ILDR2: variants seen among roughly 807,000 people sequenced by gnomAD.
ILDR2 encodes the protein immunoglobulin like domain containing receptor 2, also known as immunoglobulin-like domain-containing receptor 2.
ILDR2 carries 25 observed loss-of-function variants against 66.8 expected under a neutral mutation model. That is an observed-to-expected ratio of 0.37 (90% CI 0.27 to 0.52). The LOEUF is 0.52. Among genes scored for constraint, ILDR2 ranks in the 20% least tolerant of loss-of-function variants. The pLI, the probability that ILDR2 is intolerant of heterozygous loss-of-function variation, is 0.88. For missense variants in ILDR2, 827 were observed against 876.8 expected (o/e 0.94, Z 0.72); for synonymous variants, 367 against 357.2 (o/e 1.03, Z -0.31).
chr1:166,944,442 A>T (rs1661498519), intron 3 of ILDR2, among the ~76,000 whole-genome samples: 1 of 152,180 alleles, frequency 6.6e-6, no homozygotes, highest in Non-Finnish European at 1.5e-5. Context: ...TGCCACAAGA[A>T]CTATTAAATC....
intron 3 of ILDR2, among the ~76,000 whole-genome samples, chr1:166,953,607 A>G (rs373245961): frequency 2.0e-5 from 3 of 152,126 alleles, no homozygotes; most frequent in African/African-American, 7.2e-5. Context: ...GCCCTGACCT[A>G]CTGCAAAAGA....
Position 166,920,914 on chromosome 1 carries a change from G to C in ILDR2, c.1677C>G (p.Gly559=). 6.8e-7 allele frequency: 1 copy of C among 1,473,336 alleles called. No individual in the cohort carries two copies. Among genetic ancestry groups the C allele is most frequent in the Non-Finnish European group, 8.9e-7 (1 of 1,119,004 alleles). 91.3% of individuals were successfully genotyped at this position (1,473,336 alleles called of 1,614,324 possible). ...AAGCGTAGTAGGAGGCGCTGCGCGGGCCGAGCTGCGCGCTCCGCTTGGATG... is the reference window on the plus strand; with the variant it reads ...AAGCGTAGTAGGAGGCGCTGCGCGGCCCGAGCTGCGCGCTCCGCTTGGATG... ...ETPSKRSAQL[G]PRSASYYAWS... Residue 559 remains glycine, a synonymous_variant, in exon 9 of 10, where the codon GGC becomes GGG. Transcript: ENST00000271417.
intron 1 of ILDR2, among the ~76,000 whole-genome samples, chr1:166,965,577 T>TG (rs1339649012): frequency 1.4e-5 from 2 of 147,860 alleles, no homozygotes; most frequent in Non-Finnish European, 3.0e-5. Context: ...TTTGTTTTTT[T>TG]TTTTGTTTTT....
At chr1:166,927,459 T>C (rs879271583) in intron 6 of ILDR2, among the ~76,000 whole-genome samples, 4 of 152,228 alleles carry the variant, frequency 2.6e-5, no homozygotes, top group Non-Finnish European at 4.4e-5. Context: ...TCTTTTGACC[T>C]CTTACAGCTC....
At position 166,909,777 on chromosome 1, in the gene ILDR2, ATATTTAT is replaced by A. The variant is rs1659432192; in HGVS notation, c.*9571_*9577del. 2.1e-5 allele frequency: 1 copy of A among 47,236 alleles called. No individual in the cohort carries two copies. The highest frequency in any genetic ancestry group is 4.3e-5 in the Non-Finnish European group (1 of 23,378). The allele number at this position is 47,236 out of a possible 1,614,324, so 2.9% of individuals were successfully genotyped here. On this transcript the variant is annotated 3_prime_UTR_variant, in exon 10 of 10. Coordinates refer to ENST00000271417, the MANE Select transcript of ILDR2 (RefSeq NM_199351.3). Reference sequence around the variant, plus strand: ...TATATATAAATATATATAAATATATATATTTATATATATATATATATATATATATCCT... The same window carrying A: ...TATATATAAATATATATAAATATATAATATATATATATATATATATATCCT...
intron 9 of ILDR2, among the ~76,000 whole-genome samples, chr1:166,919,900 G>A (rs931392924): frequency 9.9e-5 from 15 of 152,148 alleles, no homozygotes; most frequent in Non-Finnish European, 1.6e-4. Flanking sequence ...GGGTAATTGC[G>A]AAGGGGGAGA....
chr1:166,935,240 C>A, intron 6 of ILDR2, 61 bp downstream of exon 6: 1 of 1,554,886 alleles, frequency 6.4e-7, no homozygotes, highest in Non-Finnish European at 8.9e-7. Flanking sequence ...TTCTTAACAA[C>A]AAGGAACCAC....
At chr1:166,942,190 C>A (rs188994201) in intron 3 of ILDR2, among the ~76,000 whole-genome samples, 1 of 152,200 alleles carries the variant, frequency 6.6e-6, no homozygotes, top group Non-Finnish European at 1.5e-5. Context: ...TTTAATAGCA[C>A]CCCTTTTTAC....
intron 3 of ILDR2, among the ~76,000 whole-genome samples, chr1:166,952,075 G>A (rs941049001): frequency 6.6e-6 from 1 of 152,132 alleles, no homozygotes; most frequent in African/African-American, 2.4e-5. Flanking sequence ...ATTGTACATC[G>A]AAAGACATAA....
chr1:166,902,604 G>A (rs748271998), intron 2 of ILDR2, among the ~76,000 whole-genome samples: 5 of 152,188 alleles, frequency 3.3e-5, no homozygotes, highest in African/African-American at 7.2e-5. Flanking sequence ...CTCAGTCACC[G>A]ACCACAAGAG....
At chr1:166,953,151 A>G (rs1405946198) in intron 3 of ILDR2, among the ~76,000 whole-genome samples, 1 of 152,196 alleles carries the variant, frequency 6.6e-6, no homozygotes, top group African/African-American at 2.4e-5. Context: ...TAAAGTAACT[A>G]TGAAGAGCCC....
At chr1:166,967,787 CTT>C (rs1261482540) in intron 1 of ILDR2, among the ~76,000 whole-genome samples, 3 of 152,082 alleles carry the variant, frequency 2.0e-5, no homozygotes, top group Non-Finnish European at 4.4e-5. Context: ...CATTTCTCCT[CTT>C]GTGTTAGTTC....
chr1:166,969,132 A>T (rs1663131219), intron 1 of ILDR2, among the ~76,000 whole-genome samples: 1 of 151,996 alleles, frequency 6.6e-6, no homozygotes, highest in Non-Finnish European at 1.5e-5. Flanking sequence ...ACAACAACAA[A>T]AAAAGACAAA....
chr1:166,957,813 G>A lies in ILDR2; in HGVS notation c.335C>T (p.Thr112Ile). 6.2e-7 allele frequency: 1 copy of A among 1,614,092 alleles called. No individual in the cohort carries two copies. Among genetic ancestry groups the A allele is most frequent in the Non-Finnish European group, 8.5e-7 (1 of 1,179,976 alleles). Residue 112 changes from threonine (T) to isoleucine (I), a missense_variant, in exon 2 of 10, where the codon ACC becomes ATC. By Grantham distance (89) the Thr-to-Ile change is moderately conservative. Transcript: ENST00000271417. The stretch of plus-strand genomic sequence containing the variant: ...TCTGCCCCTGTAGAAATCTCCCAGG[G>A]TGACAGTCGAGCCCTGTTTTGAAGC... ...VVASKQGSTV[T>I]LGDFYRGREI...
At chr1:166,943,954 C>T in intron 3 of ILDR2, 1 of 558,878 alleles carries the variant, frequency 1.8e-6, no homozygotes, top group Non-Finnish European at 2.3e-6. Context: ...AGCGCTCAAA[C>T]AGTTTTCCCC....
rs1295529542 is a variant in ILDR2, at chr1:166,917,452, A to G, written c.*1903T>C. On this transcript the variant is annotated 3_prime_UTR_variant, in exon 10 of 10. Transcript: ENST00000271417. ...CTCTGGAGAAGACCAAAAGGATGGT[A>G]AAGAAGAGATCTTCAGAGGTTGTCC... The G allele has an allele frequency of 1.3e-5, 2 of 152,258 alleles. No homozygotes were observed. The highest frequency in any genetic ancestry group is 1.3e-4 in the Admixed American group (2 of 15,282). The allele number at this position is 152,258 out of a possible 1,614,324, so 9.4% of individuals were successfully genotyped here. A position where few individuals can be genotyped will look rare whatever the true frequency, so the allele number is the denominator to read the frequency against.
chr1:166,898,523 A>G (rs1193838130), intron 2 of ILDR2, among the ~76,000 whole-genome samples: 1 of 152,084 alleles, frequency 6.6e-6, no homozygotes, highest in Non-Finnish European at 1.5e-5. Flanking sequence ...AGGTGGCTCA[A>G]AGCACACCCT....
intron 3 of ILDR2, among the ~76,000 whole-genome samples, chr1:166,946,054 C>T (rs1002951763): frequency 7.2e-5 from 11 of 152,184 alleles, no homozygotes; most frequent in African/African-American, 1.2e-4. Context: ...AAATGTTTCA[C>T]TCCTATGTCT....
At chr1:166,948,852 G>A (rs1257705161) in intron 3 of ILDR2, among the ~76,000 whole-genome samples, 1 of 152,214 alleles carries the variant, frequency 6.6e-6, no homozygotes, top group Non-Finnish European at 1.5e-5. Flanking sequence ...GGAGTGGTAA[G>A]GGGTGGGAGA....
Sources: allele counts gnomAD v4.1 joint callset (sites outside exome capture counted in the v4.1 genomes callset), GRCh38; gene constraint gnomAD v4.1.1; transcripts MANE v1.5; gene names NCBI Gene and HGNC (gene_info 2026-07-23, HGNC 2026-07-21).